Variants in DNAI7 observed in about 807,000 individuals in gnomAD.
DNAI7 encodes the protein dynein axonemal intermediate chain 7.
DNAI7 carries 78 observed loss-of-function variants against 86.6 expected under a neutral mutation model. The observed-to-expected ratio is 0.90, with a 90% CI of 0.75 to 1.09. The LOEUF (loss-of-function observed/expected upper bound fraction) is 1.09, where lower values mean the gene tolerates loss of function less well. DNAI7 is among the 50% of genes least tolerant of loss of function. DNAI7 has a pLI of 0.00. For synonymous variants in DNAI7, 274 were observed against 273.0 expected (o/e 1.00, Z -0.04); for missense variants, 753 against 810.2 (o/e 0.93, Z 0.86).
intron 12 of DNAI7, among the ~76,000 whole-genome samples, chr12:25,117,938 C>CTT (rs776942936): frequency 4.9e-4 from 66 of 135,010 alleles, no homozygotes; most frequent in Non-Finnish European, 6.6e-4. Context: ...TTTTCTTTTT[C>CTT]TTTTTTTTTT....
chr12:25,138,927 T>C lies in DNAI7; in HGVS notation c.1002+5438A>G, dbSNP rs191274777. Among the ~76,000 whole-genome samples, 8 of 151,620 alleles carry C rather than the reference T, an allele frequency of 5.3e-5. No individual in the cohort carries two copies. The East Asian group carries it at 1.5e-3, about 29-fold the overall frequency. On this transcript the variant is annotated intron_variant, in intron 9 of 15. Coordinates refer to ENST00000395987, the MANE Select transcript of DNAI7 (RefSeq NM_018272.5). ...ATAAATGAAATAAAAATCTGGTTTT[T>C]TGAAAAGACAAACAAAATTGACAGA...
At chr12:25,172,901 T>C (rs925266183) in intron 2 of DNAI7, among the ~76,000 whole-genome samples, 1 of 152,090 alleles carries the variant, frequency 6.6e-6, no homozygotes, top group Non-Finnish European at 1.5e-5. Context: ...GCTAGCTACA[T>C]GTAGGAGAAT....
intron 9 of DNAI7, among the ~76,000 whole-genome samples, chr12:25,129,164 C>T (rs756287161): frequency 5.9e-5 from 9 of 152,172 alleles, no homozygotes; most frequent in Admixed American, 2.0e-4. Flanking sequence ...ATCTGGGTCT[C>T]GGCTAAATAA....
intron 2 of DNAI7, among the ~76,000 whole-genome samples, chr12:25,166,182 C>CGCCTG (rs961004288): frequency 6.6e-6 from 1 of 152,158 alleles, no homozygotes; most frequent in Non-Finnish European, 1.5e-5. Flanking sequence ...TGTTATCACT[C>CGCCTG]GCCTGCTACA....
downstream of DNAI7, among the ~76,000 whole-genome samples, chr12:25,107,376 A>G (rs1373461992): frequency 6.6e-6 from 1 of 152,206 alleles, no homozygotes; most frequent in Non-Finnish European, 1.5e-5. Context: ...TACTGGGTTT[A>G]GTACTATTTT....
intron 2 of DNAI7, among the ~76,000 whole-genome samples, chr12:25,167,573 C>G (rs1399248069): frequency 6.6e-6 from 1 of 152,164 alleles, no homozygotes; most frequent in African/African-American, 2.4e-5. Flanking sequence ...CCTTAGCGAA[C>G]AACCGCTGGC....
At chr12:25,140,002 T>C (rs1433686804) in intron 9 of DNAI7, among the ~76,000 whole-genome samples, 1 of 152,182 alleles carries the variant, frequency 6.6e-6, no homozygotes, top group East Asian at 1.9e-4. Context: ...CATCTCTTTA[T>C]GATTACAACT....
At chr12:25,165,291 T>C (rs1436523250) in intron 2 of DNAI7, among the ~76,000 whole-genome samples, 1 of 152,074 alleles carries the variant, frequency 6.6e-6, no homozygotes. Context: ...AGCAATGTAT[T>C]TCTGAGTTGC....
intron 2 of DNAI7, among the ~76,000 whole-genome samples, chr12:25,185,500 C>T (rs895754251): frequency 7.9e-5 from 12 of 152,130 alleles, no homozygotes; most frequent in African/African-American, 1.7e-4. Flanking sequence ...AAACTGTTTT[C>T]GAACTTAAAC....
chr12:25,153,831 TA>T (rs1361795645), intron 6 of DNAI7, among the ~76,000 whole-genome samples: 5 of 152,242 alleles, frequency 3.3e-5, no homozygotes, highest in African/African-American at 1.2e-4. Flanking sequence ...CCAGTATTTT[TA>T]AGTGCATTGT....
chr12:25,114,824 TG>T lies in DNAI7; in HGVS notation c.1442del (p.Pro481GlnfsTer6). On this transcript the variant is annotated frameshift_variant, in exon 13 of 16. Transcript: ENST00000395987. LOFTEE classifies it high-confidence loss of function. ...TDGISNVSYK[P>X]KERLVTFSLD... ...GGCTGAATGTTACAAGTCTTTCTTT[TG>T]GTTTGTAGGATACATTGCTGATGCC... 6.2e-7 allele frequency: 1 copy of T among 1,614,160 alleles called. No individual in the cohort carries two copies. Among genetic ancestry groups the T allele is most frequent in the Non-Finnish European group, 8.5e-7 (1 of 1,180,002 alleles).
chr12:25,122,569 G>T (rs1941486023), intron 10 of DNAI7, among the ~76,000 whole-genome samples: 1 of 152,012 alleles, frequency 6.6e-6, no homozygotes, highest in African/African-American at 2.4e-5. Context: ...AAGTTATGGG[G>T]AAAGAAGCAT....
At chr12:25,145,453 G>C (rs4559767) in intron 8 of DNAI7, among the ~76,000 whole-genome samples, 57,554 of 152,000 alleles carry the variant, frequency 0.38, 12,903 homozygotes, top group East Asian at 0.77. Flanking sequence ...CCTGGGTAGT[G>C]AGTACAGAGC....
intron 3 of DNAI7, among the ~76,000 whole-genome samples, chr12:25,160,033 T>C (rs1946660003): frequency 6.6e-6 from 1 of 152,198 alleles, no homozygotes; most frequent in African/African-American, 2.4e-5. Context: ...TGCTAGTTTA[T>C]ATTTCCCACA....
chr12:25,146,725 A>G (rs1032536616), intron 8 of DNAI7, among the ~76,000 whole-genome samples: 5 of 152,232 alleles, frequency 3.3e-5, no homozygotes, highest in African/African-American at 1.2e-4. Context: ...ACACTATGCT[A>G]TAACTATGCT....
At chr12:25,188,106 T>C (rs1348452957) in intron 2 of DNAI7, among the ~76,000 whole-genome samples, 2 of 152,214 alleles carry the variant, frequency 1.3e-5, no homozygotes, top group Non-Finnish European at 2.9e-5. Context: ...GCAAACATCT[T>C]CTGTTGAAGA....
In DNAI7 at chr12:25,147,000, C is replaced by T; in HGVS notation, c.689+1G>A. ...AGGGAAAGTATTGCCCACAAGGGTA[C>T]CTTGGATTCTTCTTGAGGTTTGCCC... On this transcript the variant is annotated splice_donor_variant, in intron 8 of 15. Transcript: ENST00000395987. LOFTEE classifies it high-confidence loss of function. 1 of 1,501,718 alleles carries T rather than the reference C, an allele frequency of 6.7e-7. No individual in the cohort carries two copies. Among genetic ancestry groups the T allele is most frequent in the Non-Finnish European group, 9.3e-7 (1 of 1,078,588 alleles). The allele number at this position is 1,501,718 out of a possible 1,614,324, so 93.0% of individuals were successfully genotyped here.
intron 6 of DNAI7, among the ~76,000 whole-genome samples, chr12:25,150,866 T>C (rs1945457110): frequency 6.6e-6 from 1 of 152,120 alleles, no homozygotes; most frequent in South Asian, 2.1e-4. Flanking sequence ...GAGAAGGAGA[T>C]GGAAGAGAAC....
In DNAI7 at chr12:25,119,313, G is replaced by A; in HGVS notation, c.1240-12C>T. On this transcript the variant is annotated splice_polypyrimidine_tract_variant and intron_variant, in intron 11 of 15. Transcript: ENST00000395987. ...CCTTCTTTGAGTATCTTTTTAAAAT[G>A]ACCAAAACAACATCAAGTTAGTTGA... 6.3e-7 allele frequency: 1 copy of A among 1,582,044 alleles called. No homozygotes were observed. The highest frequency in any genetic ancestry group is 1.4e-5 in the African/African-American group (1 of 73,972).
Sources: gnomAD v4.1 joint callset for allele counts (sites outside exome capture counted in the v4.1 genomes callset) on GRCh38, gnomAD v4.1.1 for gene constraint, MANE v1.5 for transcripts, NCBI Gene and HGNC (gene_info 2026-07-23, HGNC 2026-07-21) for gene names.